BCL2L11: variants seen among roughly 807,000 people sequenced by gnomAD.
BCL2L11 encodes the protein bcl-2-like protein 11.
In BCL2L11, 15 loss-of-function variants were observed where a neutral mutation model predicts 20.6. That is an observed-to-expected ratio of 0.73 (90% confidence interval 0.49 to 1.12). The LOEUF (loss-of-function observed/expected upper bound fraction) is 1.12, where lower values mean the gene tolerates loss of function less well. Ranked by LOEUF, BCL2L11 falls within the 50% of genes most tolerant of loss-of-function variation. The pLI, the probability that BCL2L11 is intolerant of heterozygous loss-of-function variation, is 0.00. For synonymous variants in BCL2L11, 108 were observed against 92.8 expected (o/e 1.16, Z -0.94); for missense variants, 292 against 260.9 (o/e 1.12, Z -0.82).
intron 3 of BCL2L11, among the ~76,000 whole-genome samples, chr2:111,156,421 TTTCA>T (rs59403143): frequency 0.58 from 87,965 of 151,444 alleles, 27,082 homozygotes; most frequent in African/African-American, 0.78. Context: ...GTGGCACGGT[TTTCA>T]TTCAGGTTCA....
At chr2:111,144,537 A>T in intron 2 of BCL2L11, 2 of 1,550,338 alleles carry the variant, frequency 1.3e-6, no homozygotes, top group Non-Finnish European at 8.7e-7. Context: ...TTTATAAGGA[A>T]ACATAAGGGG....
At position 111,165,818 on chromosome 2, in the gene BCL2L11, C is replaced by T. The variant is rs1446328351; in HGVS notation, c.*1587C>T. On this transcript the variant is annotated 3_prime_UTR_variant, in exon 4 of 4. Coordinates refer to ENST00000393256, the MANE Select transcript of BCL2L11 (RefSeq NM_138621.5). ...TTTTCAAATGAGTAAGCAGTGCCAC[C>T]AACTAGTGTTTTGCCCGATAGAAGA... 1 of 152,020 alleles carries T rather than the reference C, an allele frequency of 6.6e-6. No homozygotes were observed. The highest frequency in any genetic ancestry group is 1.5e-5 in the Non-Finnish European group (1 of 68,008). The allele number at this position is 152,020 out of a possible 1,614,324, so 9.4% of individuals were successfully genotyped here. A position where few individuals can be genotyped will look rare whatever the true frequency, so the allele number is the denominator to read the frequency against.
At chr2:111,137,788 C>T (rs567435865) in intron 2 of BCL2L11, among the ~76,000 whole-genome samples, 1 of 152,064 alleles carries the variant, frequency 6.6e-6, no homozygotes, top group Admixed American at 6.5e-5. Flanking sequence ...CAGACTGGTG[C>T]TGTCTTCATG....
At chr2:111,128,406 G>A (rs1327169646) in intron 2 of BCL2L11, among the ~76,000 whole-genome samples, 1 of 151,908 alleles carries the variant, frequency 6.6e-6, no homozygotes, top group Non-Finnish European at 1.5e-5. Flanking sequence ...ATGAACATGG[G>A]TATGCAAATA....
At chr2:111,142,855 T>C (rs2076027898) in intron 2 of BCL2L11, among the ~76,000 whole-genome samples, 1 of 152,246 alleles carries the variant, frequency 6.6e-6, no homozygotes, top group African/African-American at 2.4e-5. Context: ...ATCTGGTTTT[T>C]TGGCTAGAAA....
intron 2 of BCL2L11, among the ~76,000 whole-genome samples, chr2:111,127,286 G>C (rs1182890295): frequency 6.6e-6 from 1 of 151,928 alleles, no homozygotes; most frequent in Non-Finnish European, 1.5e-5. Context: ...AGTGTAGTCA[G>C]TACAATTGGA....
chr2:111,142,102 G>T (rs61165279), intron 2 of BCL2L11, among the ~76,000 whole-genome samples: 340 of 152,330 alleles, frequency 2.2e-3, no homozygotes, highest in African/African-American at 7.8e-3. Context: ...GGGGGCATCA[G>T]GGAGGAGGAG....
At chr2:111,136,405 G>A (rs1381832346) in intron 2 of BCL2L11, among the ~76,000 whole-genome samples, 1 of 152,158 alleles carries the variant, frequency 6.6e-6, no homozygotes, top group Non-Finnish European at 1.5e-5. Context: ...CTGAGGTTCT[G>A]TCTCGGGTTT....
intron 3 of BCL2L11, chr2:111,163,396 C>G (rs1404813643): frequency 2.6e-5 from 4 of 152,264 alleles, no homozygotes; most frequent in Non-Finnish European, 4.4e-5. Context: ...TGCACATACT[C>G]ACAAAATGGA....
chr2:111,153,081 T>C (rs536658352), intron 3 of BCL2L11, among the ~76,000 whole-genome samples: 23 of 152,216 alleles, frequency 1.5e-4, no homozygotes, highest in Admixed American at 1.2e-3. Context: ...ATTTTATAAA[T>C]AGCGCAAAAC....
At chr2:111,130,176 C>G (rs1426740891) in intron 2 of BCL2L11, 2 of 352,524 alleles carry the variant, frequency 5.7e-6, no homozygotes, top group South Asian at 2.0e-5. Flanking sequence ...GCGATCTTGG[C>G]TCACTGCAAC....
At chr2:111,126,889 A>G (rs1034428559) in intron 2 of BCL2L11, among the ~76,000 whole-genome samples, 1 of 152,196 alleles carries the variant, frequency 6.6e-6, no homozygotes, top group East Asian at 1.9e-4. Flanking sequence ...TTGCTCAGCA[A>G]CTTGGGGTAG....
intron 2 of BCL2L11, 23 bp from the exon 3 acceptor site, chr2:111,150,021 T>C: frequency 1.3e-6 from 2 of 1,597,184 alleles, no homozygotes; most frequent in Non-Finnish European, 1.7e-6. Context: ...ATGTGATTTT[T>C]GTTTTGTTTT....
At position 111,167,845 on chromosome 2, in the gene BCL2L11, C is replaced by G. The variant is rs967760043; in HGVS notation, c.*3614C>G. 3 of 152,876 alleles carry G rather than the reference C, an allele frequency of 2.0e-5. No individual in the cohort carries two copies. Among genetic ancestry groups the G allele is most frequent in the Admixed American group, 1.3e-4 (2 of 15,284 alleles). 9.5% of individuals were successfully genotyped at this position (152,876 alleles called of 1,614,324 possible). A position where few individuals can be genotyped will look rare whatever the true frequency, so the allele number is the denominator to read the frequency against. ...GCTTCTTCAGGTCGATGCCCTCCTTCTGATACTCCATCTCCTTCAGGGGAG... is the reference window on the plus strand; with the variant it reads ...GCTTCTTCAGGTCGATGCCCTCCTTGTGATACTCCATCTCCTTCAGGGGAG... On this transcript the variant is annotated 3_prime_UTR_variant, in exon 4 of 4. Transcript: ENST00000393256.
chr2:111,128,526 C>G (rs1284237215), intron 2 of BCL2L11: 1 of 1,374,674 alleles, frequency 7.3e-7, no homozygotes, highest in African/African-American at 1.5e-5. Flanking sequence ...TCATGCTGTT[C>G]TCCATAGAGG....
chr2:111,160,881 G>A (rs2078464930), intron 3 of BCL2L11, among the ~76,000 whole-genome samples: 2 of 152,250 alleles, frequency 1.3e-5, no homozygotes, highest in African/African-American at 4.8e-5. Flanking sequence ...CAGACTGAGA[G>A]CATCAGTGAA....
At chr2:111,121,394 C>T (rs1256212204) in intron 1 of BCL2L11, among the ~76,000 whole-genome samples, 1 of 152,122 alleles carries the variant, frequency 6.6e-6, no homozygotes, top group African/African-American at 2.4e-5. Context: ...AAGTCGTTCA[C>T]GCGGAACCTG....
chr2:111,147,414 C>T (rs997128352), intron 2 of BCL2L11, among the ~76,000 whole-genome samples: 8 of 151,132 alleles, frequency 5.3e-5, no homozygotes, highest in African/African-American at 1.9e-4. Flanking sequence ...CCTGCCAGAG[C>T]TTAGGGATGT....
At chr2:111,145,489 A>G (rs979940327) in intron 2 of BCL2L11, among the ~76,000 whole-genome samples, 10 of 151,772 alleles carry the variant, frequency 6.6e-5, no homozygotes, top group African/African-American at 1.9e-4. Flanking sequence ...TAGATTGACA[A>G]TCTCTCTTTT....
Sources: gnomAD v4.1 joint callset for allele counts (sites outside exome capture counted in the v4.1 genomes callset) on GRCh38, gnomAD v4.1.1 for gene constraint, MANE v1.5 for transcripts, NCBI Gene and HGNC (gene_info 2026-07-23, HGNC 2026-07-21) for gene names.